Variants in LPP observed in about 807,000 individuals in gnomAD.
The protein encoded by LPP is LIM domain containing preferred translocation partner in lipoma.
A neutral mutation model predicts 60.4 loss-of-function variants in LPP; 38 were observed. The ratio of observed to expected loss-of-function variants is 0.63; its 90% CI spans 0.49 to 0.83. The LOEUF (loss-of-function observed/expected upper bound fraction) is 0.83. LPP is among the 40% of genes least tolerant of loss of function. The pLI is 0.00. For synonymous variants in LPP, 328 were observed against 290.8 expected, an observed-to-expected ratio of 1.13 and a Z score of -1.30; for missense variants, 902 against 783.6, an observed-to-expected ratio of 1.15 and a Z score of -1.80.
At position 188,874,596 on chromosome 3, in the gene LPP, C is replaced by T. The variant is rs1290993396; in HGVS notation, c.*117C>T. 1.3e-5 allele frequency: 16 copies of T among 1,195,650 alleles called. No homozygotes were observed. The highest frequency in any genetic ancestry group is 2.3e-6 in the Non-Finnish European group (2 of 868,382). The allele number at this position is 1,195,650 out of a possible 1,614,324, so 74.1% of individuals were successfully genotyped here. Reference sequence around the variant, plus strand: ...TCTCTGTTCTTCATCTGCTATTAACCTTGCCTTAGAAACACATAAATTATG... The same window carrying T: ...TCTCTGTTCTTCATCTGCTATTAACTTTGCCTTAGAAACACATAAATTATG... On this transcript the variant is annotated 3_prime_UTR_variant, in exon 12 of 12. Transcript: ENST00000617246.
intron 7 of LPP, among the ~76,000 whole-genome samples, chr3:188,648,812 C>T (rs779092227): frequency 3.9e-5 from 6 of 152,072 alleles, no homozygotes; most frequent in Non-Finnish European, 8.8e-5. Context: ...TATTTTTTCC[C>T]CTTTCTATTT....
At chr3:188,592,553 T>TTTTTTTTTTTTTGGTG (rs1553936328) in intron 6 of LPP, among the ~76,000 whole-genome samples, 1 of 121,344 alleles carries the variant, frequency 8.2e-6, no homozygotes, top group Non-Finnish European at 1.8e-5. Context: ...TTAGTTTTGT[T>TTTTTTTTTTTTTGGTG]TTTGTTTTTT....
chr3:188,380,290 A>T (rs1342986626), intron 3 of LPP, among the ~76,000 whole-genome samples: 2 of 152,244 alleles, frequency 1.3e-5, no homozygotes, highest in Non-Finnish European at 2.9e-5. Flanking sequence ...TATAGTTATA[A>T]ATGTTGTTCT....
chr3:188,694,635 G>T (rs1862820188), intron 7 of LPP, among the ~76,000 whole-genome samples: 1 of 151,644 alleles, frequency 6.6e-6, no homozygotes, highest in Non-Finnish European at 1.5e-5. Flanking sequence ...CCGGGAGTCA[G>T]AGGTTGCGGT....
intron 2 of LPP, among the ~76,000 whole-genome samples, chr3:188,279,242 C>T (rs1422085738): frequency 6.6e-6 from 1 of 152,196 alleles, no homozygotes; most frequent in East Asian, 1.9e-4. Flanking sequence ...AGCTGGATTC[C>T]AGTCCTGACT....
intron 3 of LPP, among the ~76,000 whole-genome samples, chr3:188,351,879 G>C (rs1458528729): frequency 6.6e-6 from 1 of 152,178 alleles, no homozygotes. Context: ...TGTACCAGAA[G>C]ACTGAGCTCT....
chr3:188,889,804 A>C lies in LPP; in HGVS notation c.*15325A>C. On this transcript the variant is annotated 3_prime_UTR_variant, in exon 12 of 12. Transcript: ENST00000617246. ...GGATGAATCCAGTTGACTCTTTGGC[A>C]AAAGGGTGATACTTTTCACTAAAAA... is the stretch of plus-strand genomic sequence containing the variant. 1 of 215,584 alleles carries C rather than the reference A, an allele frequency of 4.6e-6. No individual in the cohort carries two copies. The highest frequency in any genetic ancestry group is 6.9e-5 in the East Asian group (1 of 14,542). The allele number at this position is 215,584 out of a possible 1,614,324, so 13.4% of individuals were successfully genotyped here.
At chr3:188,867,418 C>T (rs113848068) in intron 10 of LPP, among the ~76,000 whole-genome samples, 15 of 151,928 alleles carry the variant, frequency 9.9e-5, no homozygotes, top group African/African-American at 3.4e-4. Flanking sequence ...AATCTCAGCT[C>T]ACTGCAACCT....
At chr3:188,195,460 C>T (rs1729277038) in intron 1 of LPP, among the ~76,000 whole-genome samples, 1 of 152,160 alleles carries the variant, frequency 6.6e-6, no homozygotes, top group Admixed American at 6.5e-5. Flanking sequence ...TACTGAATTT[C>T]TCAATGAAGT....
chr3:188,190,143 C>T (rs1727753533), intron 1 of LPP, among the ~76,000 whole-genome samples: 1 of 151,136 alleles, frequency 6.6e-6, no homozygotes, highest in Non-Finnish European at 1.5e-5. Flanking sequence ...GTAACCTCTG[C>T]CTCCTGGGTT....
intron 6 of LPP, among the ~76,000 whole-genome samples, chr3:188,556,196 T>G (rs1247940302): frequency 1.3e-5 from 2 of 152,112 alleles, no homozygotes; most frequent in Non-Finnish European, 2.9e-5. Context: ...CCTTACTTTT[T>G]GTCAAAGTCG....
At chr3:188,173,529 C>CA (rs546749776) in intron 1 of LPP, among the ~76,000 whole-genome samples, 48 of 150,840 alleles carry the variant, frequency 3.2e-4, no homozygotes, top group Middle Eastern at 3.5e-3. Context: ...AAAAAACAAA[C>CA]AAAAAAAACC....
chr3:188,623,706 G>C (rs1846249922), intron 7 of LPP, among the ~76,000 whole-genome samples: 1 of 152,176 alleles, frequency 6.6e-6, no homozygotes, highest in Non-Finnish European at 1.5e-5. Context: ...TGTCACTGCT[G>C]TGCAGCAACT....
intron 9 of LPP, among the ~76,000 whole-genome samples, chr3:188,783,137 G>A (rs553590882): frequency 3.9e-5 from 6 of 151,960 alleles, no homozygotes; most frequent in East Asian, 3.9e-4. Context: ...GATTCTTCTC[G>A]TCAACATCCA....
chr3:188,302,305 C>T (rs1381065830), intron 2 of LPP, among the ~76,000 whole-genome samples: 4 of 152,162 alleles, frequency 2.6e-5, no homozygotes, highest in South Asian at 4.1e-4. Flanking sequence ...TTTTGTGGAA[C>T]AGAGACTTGT....
intron 3 of LPP, among the ~76,000 whole-genome samples, chr3:188,403,475 A>G (rs12639588): frequency 0.34 from 51,747 of 152,136 alleles, 10,601 homozygotes; most frequent in Middle Eastern, 0.6. Context: ...TAACATTTAT[A>G]CTACCAATGT....
chr3:188,865,275 A>G (rs1252234621), intron 9 of LPP, among the ~76,000 whole-genome samples: 1 of 152,216 alleles, frequency 6.6e-6, no homozygotes, highest in Non-Finnish European at 1.5e-5. Context: ...GGGGTGCTAT[A>G]TATTTTTAAA....
intron 7 of LPP, among the ~76,000 whole-genome samples, chr3:188,625,530 C>T (rs1403826058): frequency 6.6e-6 from 1 of 152,102 alleles, no homozygotes; most frequent in African/African-American, 2.4e-5. Flanking sequence ...GATGATGAAA[C>T]ATTTCGGAGA....
intron 4 of LPP, among the ~76,000 whole-genome samples, chr3:188,428,668 A>C (rs1396526674): frequency 6.6e-6 from 1 of 151,330 alleles, no homozygotes; most frequent in African/African-American, 2.4e-5. Context: ...GCTTGAATTC[A>C]TATAATCACT....
Sources: gnomAD v4.1 joint callset for allele counts (sites outside exome capture counted in the v4.1 genomes callset) on GRCh38, gnomAD v4.1.1 for gene constraint, MANE v1.5 for transcripts, NCBI Gene and HGNC (gene_info 2026-07-23, HGNC 2026-07-21) for gene names.